Variants in MIA2 observed in about 807,000 individuals in gnomAD.
The protein encoded by MIA2 is melanoma inhibitory activity protein 2.
Under a neutral mutation model 167.8 loss-of-function variants are expected in MIA2, and 127 were observed. That is an observed-to-expected ratio of 0.76 (90% CI 0.66 to 0.88). The LOEUF is 0.88. MIA2 is among the 40% of genes least tolerant of loss of function. The pLI is 0.00. For synonymous variants in MIA2, 552 were observed against 541.9 expected, an observed-to-expected ratio of 1.02 and a Z score of -0.26; for missense variants, 1,690 against 1,624.7, an observed-to-expected ratio of 1.04 and a Z score of -0.69.
intron 25 of MIA2, among the ~76,000 whole-genome samples, chr14:39,330,116 T>A: frequency 6.6e-6 from 1 of 152,188 alleles, no homozygotes; most frequent in Non-Finnish European, 1.5e-5. Flanking sequence ...TTTTGGTTGG[T>A]AGGCTATTAA....
chr14:39,268,164 G>A (rs1009718694), intron 6 of MIA2, among the ~76,000 whole-genome samples: 2 of 152,034 alleles, frequency 1.3e-5, no homozygotes, highest in Non-Finnish European at 2.9e-5. Context: ...CTCCTTAAGT[G>A]TTTCTAGGTA....
chr14:39,302,818 A>G (rs1334971812), intron 15 of MIA2, among the ~76,000 whole-genome samples: 1 of 152,168 alleles, frequency 6.6e-6, no homozygotes, highest in Non-Finnish European at 1.5e-5. Context: ...TTATTTTGAA[A>G]TATGGCATCA....
At chr14:39,354,531 G>GT (rs2074472624), downstream of MIA2, among the ~76,000 whole-genome samples, 1 of 152,172 alleles carries the variant, frequency 6.6e-6, no homozygotes, top group Non-Finnish European at 1.5e-5. Flanking sequence ...TCTGATGGTA[G>GT]TTTCTTTTGC....
chr14:39,234,284 T>C, intron 1 of MIA2, 55 bp downstream of exon 1: 1 of 1,145,476 alleles, frequency 8.7e-7, no homozygotes, highest in South Asian at 1.3e-5. Context: ...TGCAATGACA[T>C]AAAATCTTAT....
chr14:39,343,926 C>T (rs943271438), intron 25 of MIA2, among the ~76,000 whole-genome samples: 4 of 152,154 alleles, frequency 2.6e-5, no homozygotes, highest in African/African-American at 9.7e-5. Context: ...GCTTTACTGC[C>T]TCTGACTCCA....
At chr14:39,338,726 G>T (rs965847955) in intron 25 of MIA2, among the ~76,000 whole-genome samples, 6 of 152,050 alleles carry the variant, frequency 3.9e-5, no homozygotes, top group Non-Finnish European at 8.8e-5. Flanking sequence ...CAGTTGTTAA[G>T]AAAAAACACA....
chr14:39,269,137 C>A (rs2056659922), intron 6 of MIA2: 2 of 794,146 alleles, frequency 2.5e-6, no homozygotes, highest in Non-Finnish European at 3.0e-6. Flanking sequence ...GCTAGGATGG[C>A]ACAACATTGT....
In MIA2 at chr14:39,321,014, C is replaced by T. The variant is rs1210792009; in HGVS notation, c.3454C>T (p.Pro1152Ser). The change falls in exon 24 of 29, where the codon CCA becomes TCA. Residue 1152 changes from proline (P) to serine (S), a missense_variant. Transcript: ENST00000640607. ...CTCTCCTCCAACTTTGTTGGAGGGT[C>T]CACTCAGACTCTCACCTTTGCTTCC... The part of the protein sequence containing the change: ...FLSPPTLLEG[P>S]LRLSPLLPGG... The T allele has an allele frequency of 2.5e-6, 4 of 1,613,476 alleles. No individual in the cohort carries two copies. In the East Asian group the frequency reaches 6.7e-5, roughly 27 times the overall value.
chr14:39,326,081 T>C (rs1408267563), intron 24 of MIA2, among the ~76,000 whole-genome samples: 4 of 152,278 alleles, frequency 2.6e-5, no homozygotes, highest in African/African-American at 4.8e-5. Flanking sequence ...TTAAAATTAC[T>C]CCTGTTTGTA....
In MIA2 at chr14:39,345,913, A is replaced by G; in HGVS notation, c.3665A>G (p.Tyr1222Cys). 1 of 1,610,306 alleles carries G rather than the reference A, an allele frequency of 6.2e-7. No homozygotes were observed. The highest frequency in any genetic ancestry group is 8.5e-7 in the Non-Finnish European group (1 of 1,178,422). ...AAAACTTATTTTCTAGGACAATCAT[A>G]TCCTGATTCAGCCCTTCCTCCACAA... ...RMMFPPPGQS[Y>C]PDSALPPQRQ... Residue 1222 changes from tyrosine (Y) to cysteine (C), a missense_variant, in exon 26 of 29, where the codon TAT (tyrosine) becomes TGT (cysteine). Coordinates refer to ENST00000640607, the MANE Select transcript of MIA2 (RefSeq NM_001329214.4).
chr14:39,381,686 T>TG (rs1353782270), intron 23 of MIA2, among the ~76,000 whole-genome samples: 4 of 71,886 alleles, frequency 5.6e-5, no homozygotes, highest in Admixed American at 1.3e-4. Context: ...TTTCTTTTTC[T>TG]TTTTTTTCCC....
At chr14:39,272,964 A>G (rs1433373387) in intron 6 of MIA2, among the ~76,000 whole-genome samples, 2 of 152,180 alleles carry the variant, frequency 1.3e-5, no homozygotes, top group Non-Finnish European at 2.9e-5. Context: ...TTGCTGTTGT[A>G]TAGAAATTCA....
chr14:39,314,779 A>G lies in MIA2; in HGVS notation c.3160A>G (p.Ile1054Val), dbSNP rs1226528259. The G allele has an allele frequency of 6.2e-7, 1 of 1,605,740 alleles. No homozygotes were observed. Among genetic ancestry groups the G allele is most frequent in the East Asian group, 2.2e-5 (1 of 44,694 alleles). ...KDLEEELERT[I>V]HSYQGQIISH... ...TCTTGAAGAAGAATTGGAGAGAACT[A>G]TTCATTCTTATCAAGGGCAGGTATA... The change falls in exon 20 of 29, where the codon ATT becomes GTT. Residue 1054 changes from isoleucine (I) to valine (V), a missense_variant. Physicochemically the swap from Ile to Val is conservative, Grantham distance 29 (BLOSUM62 3). Coordinates refer to ENST00000640607, the MANE Select transcript of MIA2 (RefSeq NM_001329214.4).
chr14:39,284,038 CA>C (rs1372471561), intron 9 of MIA2, among the ~76,000 whole-genome samples: 2 of 152,042 alleles, frequency 1.3e-5, no homozygotes, highest in Non-Finnish European at 1.5e-5. Flanking sequence ...TTTTGCTTTG[CA>C]AAAGCTTTTT....
Position 39,348,867 on chromosome 14 carries a change from T to G in MIA2, c.3962T>G (p.Leu1321Trp). Reference sequence around the variant, plus strand: ...CCAGTGGATGCAAGAGGCCCATTCTTGAGAAGAGGACCTCCTTTCCCCCCA... The same window carrying G: ...CCAGTGGATGCAAGAGGCCCATTCTGGAGAAGAGGACCTCCTTTCCCCCCA... ...LFPVDARGPFLRRGPPFPPPP... is the reference protein window; with the variant it reads ...LFPVDARGPFWRRGPPFPPPP... The change falls in exon 28 of 29, where the codon TTG becomes TGG. Residue 1321 changes from leucine (L) to tryptophan (W), a missense_variant. By Grantham distance (61) the Leu-to-Trp change is moderately conservative (BLOSUM62 -2). Transcript: ENST00000640607. 1 of 1,614,142 alleles carries G rather than the reference T, an allele frequency of 6.2e-7. No homozygotes were observed. The highest frequency in any genetic ancestry group is 8.5e-7 in the Non-Finnish European group (1 of 1,180,012).
chr14:39,386,009 C>T (rs1487623404), intron 23 of MIA2: 5 of 937,920 alleles, frequency 5.3e-6, no homozygotes, highest in African/African-American at 4.9e-5. Flanking sequence ...CCAGCAGCAC[C>T]TACAGTCTGT....
intron 6 of MIA2, among the ~76,000 whole-genome samples, chr14:39,259,162 CA>C (rs1183201938): frequency 6.6e-6 from 1 of 152,238 alleles, no homozygotes; most frequent in Non-Finnish European, 1.5e-5. Flanking sequence ...AGCCGGCAGG[CA>C]GGAACGATTA....
chr14:39,297,415 G>A (rs1479328601), intron 13 of MIA2, among the ~76,000 whole-genome samples: 1 of 152,132 alleles, frequency 6.6e-6, no homozygotes. Context: ...TCTAATTGGA[G>A]GATTCTCAGT....
At chr14:39,315,893 AT>A (rs1158569962) in intron 21 of MIA2, among the ~76,000 whole-genome samples, 175 bp downstream of exon 21, 1 of 152,208 alleles carries the variant, frequency 6.6e-6, no homozygotes, top group Admixed American at 6.5e-5. Context: ...CAACACAGTT[AT>A]TAGAAAAATC....
Sources: allele counts gnomAD v4.1 joint callset (sites outside exome capture counted in the v4.1 genomes callset), GRCh38; gene constraint gnomAD v4.1.1; transcripts MANE v1.5; gene names NCBI Gene and HGNC (gene_info 2026-07-23, HGNC 2026-07-21).